The following MACF1 variants were observed in gnomAD, a reference collection of about 807,000 sequenced individuals.
The protein encoded by MACF1 is microtubule-actin cross-linking factor 1.
MACF1 carries 193 observed loss-of-function variants against 854.8 expected under a neutral mutation model. That is an observed-to-expected ratio of 0.23 (90% confidence interval 0.20 to 0.25). MACF1 has a LOEUF of 0.25. Among genes scored for constraint, MACF1 ranks in the 10% least tolerant of loss-of-function variants. MACF1 has a pLI of 1.00. For missense variants in MACF1, 7,722 were observed against 8,929.1 expected (o/e 0.86, Z 5.45); for synonymous variants, 3,185 against 3,226.7 (o/e 0.99, Z 0.44).
intron 24 of MACF1, among the ~76,000 whole-genome samples, 186 bp from the exon 25 acceptor site, chr1:39,310,059 C>T (rs572375396): frequency 6.0e-4 from 92 of 152,216 alleles, no homozygotes; most frequent in African/African-American, 2.0e-3. Context: ...TTCTGGGGTG[C>T]TGGTAATGTT....
At chr1:39,237,252 C>A (rs1367439168) in intron 2 of MACF1, among the ~76,000 whole-genome samples, 1 of 152,220 alleles carries the variant, frequency 6.6e-6, no homozygotes, top group Non-Finnish European at 1.5e-5. Flanking sequence ...GCTCCAGTAT[C>A]ACCTTCCTGA....
chr1:39,268,389 T>G, intron 6 of MACF1: 5 of 958,460 alleles, frequency 5.2e-6, no homozygotes, highest in Non-Finnish European at 5.0e-6. Context: ...AATTACCTCA[T>G]ATTTGGAGAG....
intron 69 of MACF1, 35 bp downstream of exon 69, chr1:39,434,667 A>G: frequency 6.3e-7 from 1 of 1,583,154 alleles, no homozygotes; most frequent in Non-Finnish European, 8.7e-7. Flanking sequence ...TTATTGTTCT[A>G]AAATGGTCTC....
Position 39,388,469 on chromosome 1 carries a change from T to G in MACF1, c.15627T>G (p.Cys5209Trp). The G allele has an allele frequency of 6.2e-7, 1 of 1,614,072 alleles. No homozygotes were observed. Among genetic ancestry groups the G allele is most frequent in the Non-Finnish European group, 8.5e-7 (1 of 1,180,010 alleles). Residue 5209 changes from cysteine to tryptophan, a missense_variant, in exon 58 of 101, where the codon TGT (cysteine) becomes TGG (tryptophan). Transcript: ENST00000564288. ...KRELEALNKQ[C>W]GKLTERGKAR... ...AGCTAGAAGCCCTGAACAAACAGTG[T>G]GGCAAACTGACAGAGAGGGGGAAAG...
At chr1:39,418,673 G>A (rs1421355378) in intron 58 of MACF1, among the ~76,000 whole-genome samples, 2 of 152,192 alleles carry the variant, frequency 1.3e-5, no homozygotes, top group African/African-American at 2.4e-5. Context: ...GACCAGCCTG[G>A]CCAACATGGT....
chr1:39,459,698 T>C (rs555545751), intron 91 of MACF1: 269 of 495,074 alleles, frequency 5.4e-4, no homozygotes, highest in African/African-American at 5.3e-3. Flanking sequence ...CACTTGATCA[T>C]GAGAAGCAAC....
chr1:39,371,379 G>A (rs1041283957), intron 51 of MACF1, among the ~76,000 whole-genome samples: 2 of 151,698 alleles, frequency 1.3e-5, no homozygotes, highest in Non-Finnish European at 2.9e-5. Context: ...GTGACCAAGG[G>A]TCAGTTTGAA....
rs574408418 is a variant in MACF1 at position 39,427,997 on chromosome 1, G to C, written c.16513G>C (p.Val5505Leu). The C allele has an allele frequency of 6.2e-7, 1 of 1,614,156 alleles. No individual in the cohort carries two copies. The highest frequency in any genetic ancestry group is 1.3e-5 in the African/African-American group (1 of 75,040). The change falls in exon 63 of 101, where the codon GTG becomes CTG. Residue 5505 changes from valine to leucine, a missense_variant. Transcript: ENST00000564288. ...EEDIENHATD[V>L]HQAVKIGQSL... ...AGACATAGAAAACCATGCAACAGAT[G>C]TGCACCAGGCAGTCAAAATTGGGCA...
Position 39,440,983 on chromosome 1 carries a change from T to C in MACF1, c.18448-20T>C. ...GTTCTGTTTTCTATTTTGGCTTATA[T>C]TCTATTCGTTTACATGTAGACTATT... On this transcript the variant is annotated intron_variant, in intron 72 of 100. Coordinates refer to ENST00000564288, the MANE Select transcript of MACF1 (RefSeq NM_001394062.1). 6.2e-7 allele frequency: 1 copy of C among 1,614,058 alleles called. No individual in the cohort carries two copies. Among genetic ancestry groups the C allele is most frequent in the Non-Finnish European group, 8.5e-7 (1 of 1,179,954 alleles).
chr1:39,234,106 G>A (rs574549009), intron 2 of MACF1, among the ~76,000 whole-genome samples: 27 of 148,372 alleles, frequency 1.8e-4, no homozygotes, highest in African/African-American at 6.7e-4. Context: ...AGGGTTGGGG[G>A]TAAGGTCACA....
chr1:39,423,939 C>A, intron 60 of MACF1, 89 bp from the exon 61 acceptor site: 3 of 1,144,016 alleles, frequency 2.6e-6, no homozygotes, highest in Non-Finnish European at 3.7e-6. Context: ...TAGGATTTGG[C>A]GGGTTGGTTT....
chr1:39,377,123 G>T (rs1447419704), intron 52 of MACF1, among the ~76,000 whole-genome samples: 1 of 152,008 alleles, frequency 6.6e-6, no homozygotes, highest in Non-Finnish European at 1.5e-5. Flanking sequence ...CGATTCTCCT[G>T]CCTCAGCCTC....
intron 2 of MACF1, among the ~76,000 whole-genome samples, chr1:39,146,960 T>C (rs1007336555): frequency 1.2e-4 from 19 of 152,266 alleles, no homozygotes; most frequent in Middle Eastern, 6.8e-3. Context: ...AACCCATAAA[T>C]ATATACACCT....
chr1:39,287,485 G>A lies in MACF1; in HGVS notation c.1708G>A (p.Val570Met), dbSNP rs1268085935. 1.2e-6 allele frequency: 2 copies of A among 1,614,038 alleles called. No individual in the cohort carries two copies. Among genetic ancestry groups the A allele is most frequent in the Non-Finnish European group, 8.5e-7 (1 of 1,180,040 alleles). The change falls in exon 15 of 101, where the codon GTG becomes ATG. Residue 570 changes from valine to methionine, a missense_variant. Around this residue, in one of 15 missense-constraint regions of MACF1, gnomAD observed 1,137 missense variants for 1,263.0 expected, o/e 0.90. Coordinates refer to ENST00000564288, the MANE Select transcript of MACF1 (RefSeq NM_001394062.1). ...AAAGCCTATGACTCGGGCTGAACTT[G>A]TGGCCATCAGCTCCTCTGAAGATGA... Reference protein sequence around the residue: ...FRKPMTRAELVAISSSEDEGN... With the variant: ...FRKPMTRAELMAISSSEDEGN...
intron 1 of MACF1, among the ~76,000 whole-genome samples, chr1:39,226,024 T>C (rs1012781787): frequency 6.6e-6 from 1 of 152,198 alleles, no homozygotes. Flanking sequence ...GAAAGAACTT[T>C]CATGTAATTG....
intron 19 of MACF1, among the ~76,000 whole-genome samples, chr1:39,295,525 G>A (rs1229464039): frequency 6.6e-6 from 1 of 152,188 alleles, no homozygotes; most frequent in Non-Finnish European, 1.5e-5. Flanking sequence ...ATTTATGCCT[G>A]GGTTTTGCTG....
At chr1:39,373,632 C>T (rs1473016145) in intron 52 of MACF1, among the ~76,000 whole-genome samples, 1 of 151,016 alleles carries the variant, frequency 6.6e-6, no homozygotes, top group Non-Finnish European at 1.5e-5. Flanking sequence ...GTGGGCTGAT[C>T]ACTTGAGGTC....
chr1:39,324,674 A>G lies in MACF1; in HGVS notation c.4418A>G (p.Lys1473Arg). The change falls in exon 35 of 101, where the codon AAA becomes AGA. Residue 1473 changes from lysine to arginine, a missense_variant. Lys to Arg is a conservative substitution (Grantham distance 26). Transcript: ENST00000564288. ...CTGTCAGAAGAGCTGACAACAAAGA[A>G]AGAACAAGTCTCTGAAGCTATTAAA... The part of the protein sequence containing the change: ...QVLSEELTTK[K>R]EQVSEAIKTS... The G allele has an allele frequency of 6.2e-7, 1 of 1,613,598 alleles. No individual in the cohort carries two copies. Among genetic ancestry groups the G allele is most frequent in the Non-Finnish European group, 8.5e-7 (1 of 1,179,674 alleles).
At chr1:39,160,491 T>C (rs555505298) in intron 2 of MACF1, among the ~76,000 whole-genome samples, 1 of 152,344 alleles carries the variant, frequency 6.6e-6, no homozygotes, top group South Asian at 2.1e-4. Context: ...TTCTAATCTT[T>C]CATTCACTAT....
Sources: allele counts gnomAD v4.1 joint callset (sites outside exome capture counted in the v4.1 genomes callset), GRCh38; gene constraint gnomAD v4.1.1; regional missense constraint gnomAD v4.1.1; transcripts MANE v1.5; gene names NCBI Gene and HGNC (gene_info 2026-07-23, HGNC 2026-07-21).